Variants in CATSPERB observed in about 807,000 individuals in gnomAD.
CATSPERB encodes the protein catsper channel auxiliary subunit beta.
In CATSPERB, 93 loss-of-function variants were observed where a neutral mutation model predicts 128.3. The ratio of observed to expected loss-of-function variants is 0.72; its 90% CI spans 0.61 to 0.86. The LOEUF (loss-of-function observed/expected upper bound fraction) is 0.86, where lower values mean the gene tolerates loss of function less well. Among genes scored for constraint, CATSPERB ranks in the 40% least tolerant of loss-of-function variants. CATSPERB has a pLI of 0.00. For missense variants in CATSPERB, 1,153 were observed against 1,329.5 expected (o/e 0.87, Z 2.06); for synonymous variants, 381 against 448.8 (o/e 0.85, Z 1.91).
At position 91,636,599 on chromosome 14, in the gene CATSPERB, A is replaced by C. The variant is rs940456640; in HGVS notation, c.1588-20T>G. Reference sequence around the variant, plus strand: ...TGGAGGCTGGAAACAGAGAAAAGAAAATATTATATTTAAACTACTTTATAC... The same window carrying C: ...TGGAGGCTGGAAACAGAGAAAAGAACATATTATATTTAAACTACTTTATAC... On this transcript the variant is annotated intron_variant, in intron 16 of 26. Transcript: ENST00000256343. 5 of 1,588,456 alleles carry C rather than the reference A, an allele frequency of 3.1e-6. No individual in the cohort carries two copies. The highest frequency in any genetic ancestry group is 4.3e-6 in the Non-Finnish European group (5 of 1,168,398).
chr14:91,653,134 T>G (rs1894736503), intron 15 of CATSPERB, among the ~76,000 whole-genome samples: 1 of 152,198 alleles, frequency 6.6e-6, no homozygotes, highest in East Asian at 1.9e-4. Flanking sequence ...CTTCGTCATT[T>G]AAAATCGTAT....
chr14:91,681,191 C>G (rs1046936350), intron 11 of CATSPERB, among the ~76,000 whole-genome samples: 1 of 152,084 alleles, frequency 6.6e-6, no homozygotes, highest in African/African-American at 2.4e-5. Context: ...CCCACAGGAC[C>G]CCTGAGCATA....
chr14:91,619,545 C>CTTTTT (rs139548621), intron 19 of CATSPERB, among the ~76,000 whole-genome samples: 1 of 27,144 alleles, frequency 3.7e-5, no homozygotes, highest in South Asian at 1.4e-3. Flanking sequence ...TCAAATAAGC[C>CTTTTT]TTTTTTTTAA....
At chr14:91,668,129 C>T (rs765777982) in intron 14 of CATSPERB, among the ~76,000 whole-genome samples, 46 of 152,170 alleles carry the variant, frequency 3.0e-4, no homozygotes, top group Non-Finnish European at 2.2e-4. Flanking sequence ...GAGCTATCAT[C>T]GGCCAATTCC....
intron 20 of CATSPERB, among the ~76,000 whole-genome samples, chr14:91,611,676 A>T (rs207475142): frequency 6.6e-6 from 1 of 152,114 alleles, no homozygotes; most frequent in Non-Finnish European, 1.5e-5. Context: ...AAACATGAGG[A>T]CTATAGTTAA....
rs999973241 is a variant in CATSPERB, at chr14:91,655,430, A to T, written c.1432+4407T>A. ...AGCTGTTGTGAGAAAACTCAAGGAA[A>T]TTCAAGATAATATAGAGAAGGAATC... is the stretch of plus-strand genomic sequence containing the variant. On this transcript the variant is annotated intron_variant, in intron 15 of 26. Coordinates refer to ENST00000256343, the MANE Select transcript of CATSPERB (RefSeq NM_024764.4). Among the ~76,000 whole-genome samples the T allele has an allele frequency of 8.5e-5, 13 of 152,224 alleles. No individual in the cohort carries two copies. In the South Asian group the frequency reaches 1.2e-3, roughly 15 times the overall value.
chr14:91,615,996 C>T (rs566740180), intron 20 of CATSPERB, among the ~76,000 whole-genome samples: 2 of 152,072 alleles, frequency 1.3e-5, no homozygotes, highest in Admixed American at 6.5e-5. Flanking sequence ...TCTCCTGCCT[C>T]AGCCTCCCGA....
At chr14:91,659,567 A>C (rs1894840037) in intron 15 of CATSPERB, among the ~76,000 whole-genome samples, 2 of 152,188 alleles carry the variant, frequency 1.3e-5, no homozygotes. Context: ...TGCTGAGCAC[A>C]ATTGTAGCTT....
intron 6 of CATSPERB, among the ~76,000 whole-genome samples, chr14:91,705,964 G>GA (rs11411160): frequency 0.011 from 1,721 of 151,568 alleles, 35 homozygotes; most frequent in African/African-American, 0.039. Flanking sequence ...AAAAAAATGA[G>GA]AAAAAAAAGA....
At chr14:91,699,130 C>T (rs1325851780) in intron 7 of CATSPERB, among the ~76,000 whole-genome samples, 1 of 152,196 alleles carries the variant, frequency 6.6e-6, no homozygotes, top group Non-Finnish European at 1.5e-5. Flanking sequence ...GTTTGTTCCA[C>T]ATCTTTGCAA....
chr14:91,684,587 A>C (rs980781685), intron 10 of CATSPERB, among the ~76,000 whole-genome samples: 2 of 151,282 alleles, frequency 1.3e-5, no homozygotes. Context: ...CAAAACTTGA[A>C]CACATGAGGA....
chr14:91,692,296 C>T (rs1566732751), intron 9 of CATSPERB, among the ~76,000 whole-genome samples: 1 of 152,054 alleles, frequency 6.6e-6, no homozygotes, highest in Non-Finnish European at 1.5e-5. Flanking sequence ...GTTCCTTCTG[C>T]CCAGGCCAGA....
intron 14 of CATSPERB, among the ~76,000 whole-genome samples, chr14:91,669,175 C>T (rs1257108284): frequency 6.6e-6 from 1 of 152,192 alleles, no homozygotes; most frequent in Non-Finnish European, 1.5e-5. Flanking sequence ...TCTTTAAAAT[C>T]TCTAAATTTT....
At chr14:91,672,496 G>C (rs1895115584) in intron 13 of CATSPERB, among the ~76,000 whole-genome samples, 1 of 152,076 alleles carries the variant, frequency 6.6e-6, no homozygotes, top group African/African-American at 2.4e-5. Flanking sequence ...TCACAGGTAG[G>C]GTTAAGGACG....
chr14:91,638,980 G>A, intron 16 of CATSPERB, 116 bp downstream of exon 16: 1 of 854,668 alleles, frequency 1.2e-6, no homozygotes, highest in Non-Finnish European at 1.8e-6. Context: ...AGAGCAAACT[G>A]CATTAATGAG....
chr14:91,597,243 T>A (rs112580307), intron 22 of CATSPERB, among the ~76,000 whole-genome samples: 9 of 152,146 alleles, frequency 5.9e-5, no homozygotes, highest in African/African-American at 2.2e-4. Flanking sequence ...TATAAAAGCT[T>A]TAAAACACTT....
chr14:91,624,857 T>C lies in CATSPERB; in HGVS notation c.1893A>G (p.Lys631=), dbSNP rs1334405393. 1 of 1,609,508 alleles carries C rather than the reference T, an allele frequency of 6.2e-7. No individual in the cohort carries two copies. Among genetic ancestry groups the C allele is most frequent in the South Asian group, 1.1e-5 (1 of 89,614 alleles). ...GAGTGAGTTTATAGACATTTCCAGCTTTATTAATCAAAAGGGAACTAGACA... is the reference window on the plus strand; with the variant it reads ...GAGTGAGTTTATAGACATTTCCAGCCTTATTAATCAAAAGGGAACTAGACA... ...SCLSSSLLIN[K]AGNVYKLTLD... Residue 631 remains lysine, a synonymous_variant, in exon 18 of 27, where the codon AAA becomes AAG. Transcript: ENST00000256343.
intron 20 of CATSPERB, among the ~76,000 whole-genome samples, chr14:91,616,784 C>T (rs930730515): frequency 2.1e-5 from 3 of 143,054 alleles, no homozygotes; most frequent in African/African-American, 7.9e-5. Context: ...TCTTGTTGCC[C>T]AGGCTGGAGT....
chr14:91,595,489 G>C (rs73331757), intron 22 of CATSPERB, among the ~76,000 whole-genome samples: 2 of 151,964 alleles, frequency 1.3e-5, no homozygotes, highest in Non-Finnish European at 2.9e-5. Flanking sequence ...TTTTAAAGCC[G>C]AGCCCAACCA....
Sources: allele counts gnomAD v4.1 joint callset (sites outside exome capture counted in the v4.1 genomes callset), GRCh38; gene constraint gnomAD v4.1.1; transcripts MANE v1.5; gene names NCBI Gene and HGNC (gene_info 2026-07-23, HGNC 2026-07-21).